Variants in ZNF730 observed in about 807,000 individuals in gnomAD.
ZNF730 encodes putative zinc finger protein 730.
In ZNF730, 12 loss-of-function variants were observed where a neutral mutation model predicts 12.6. The ratio of observed to expected loss-of-function variants is 0.95; its 90% CI spans 0.61 to 1.54. ZNF730 has a LOEUF of 1.54. ZNF730 is among the 40% of genes most tolerant of loss of function. The probability of loss-of-function intolerance (pLI) is 0.00; values close to 1 mark genes in which losing one functional copy is unlikely to be tolerated. For synonymous variants in ZNF730, 194 were observed against 195.8 expected (o/e 0.99, Z 0.08); for missense variants, 643 against 583.5 (o/e 1.10, Z -1.05).
chr19:23,133,594 G>C (rs1285512931), intron 1 of ZNF730, among the ~76,000 whole-genome samples: 1 of 152,184 alleles, frequency 6.6e-6, no homozygotes, highest in African/African-American at 2.4e-5. Flanking sequence ...CGCCTGCCTC[G>C]GCCTCCCAAA....
At chr19:23,102,134 C>G (rs1213583553) in intron 1 of ZNF730, among the ~76,000 whole-genome samples, 2 of 152,174 alleles carry the variant, frequency 1.3e-5, no homozygotes, top group Non-Finnish European at 2.9e-5. Flanking sequence ...TTTGCCTGCA[C>G]TCTGTCCACA....
At chr19:23,143,280 G>T (rs1162887314) in intron 3 of ZNF730, among the ~76,000 whole-genome samples, 2 of 151,794 alleles carry the variant, frequency 1.3e-5, no homozygotes, top group Admixed American at 1.3e-4. Flanking sequence ...TTTTTGGTTT[G>T]GTAAAAAATT....
intron 1 of ZNF730, among the ~76,000 whole-genome samples, chr19:23,120,790 T>C (rs890980728): frequency 1.3e-5 from 2 of 152,140 alleles, no homozygotes; most frequent in African/African-American, 4.8e-5. Context: ...GATGTTAGGT[T>C]GTTATATTGA....
chr19:23,132,655 G>A (rs1347489604), intron 1 of ZNF730, among the ~76,000 whole-genome samples: 3 of 152,072 alleles, frequency 2.0e-5, no homozygotes, highest in South Asian at 2.1e-4. Flanking sequence ...TTGGGGAAAC[G>A]CCAGGGTTCT....
chr19:23,109,599 A>T (rs753891591), intron 1 of ZNF730, among the ~76,000 whole-genome samples: 4 of 151,792 alleles, frequency 2.6e-5, no homozygotes, highest in Non-Finnish European at 5.9e-5. Flanking sequence ...ATGGGGTTTC[A>T]CCAGGTTGGT....
Position 23,099,021 on chromosome 19 carries a change from A to C in ZNF730, c.-94+23634A>C, listed in dbSNP as rs1438609594. Among the ~76,000 whole-genome samples the C allele has an allele frequency of 3.9e-5, 6 of 152,010 alleles. No individual in the cohort carries two copies. In the East Asian group the frequency reaches 1.2e-3, roughly 29 times the overall value. On this transcript the variant is annotated intron_variant, in intron 1 of 2. Transcript: ENST00000593635. ...TGGTACAGAGAGTGTCGTCATAGGA[A>C]AAAGCAAACAGATTAGATCATGTTT...
intron 1 of ZNF730, among the ~76,000 whole-genome samples, chr19:23,121,789 C>T (rs934277861): frequency 6.6e-6 from 1 of 152,106 alleles, no homozygotes; most frequent in South Asian, 2.1e-4. Context: ...GTTCAGATGT[C>T]CAGTGTTCAA....
At chr19:23,144,495 T>A (rs773436935) in intron 3 of ZNF730, among the ~76,000 whole-genome samples, 1 of 151,938 alleles carries the variant, frequency 6.6e-6, no homozygotes, top group Admixed American at 6.6e-5. Flanking sequence ...GGTCAAGAGA[T>A]CGAGACCATC....
chr19:23,131,645 CTG>C (rs1341972467), intron 1 of ZNF730, among the ~76,000 whole-genome samples: 1 of 152,200 alleles, frequency 6.6e-6, no homozygotes, highest in Non-Finnish European at 1.5e-5. Flanking sequence ...GTAATGAACT[CTG>C]TGCTGTGCCT....
At chr19:23,144,861 A>T (rs1196781219) in intron 3 of ZNF730, among the ~76,000 whole-genome samples, 1 of 152,140 alleles carries the variant, frequency 6.6e-6, no homozygotes, top group Non-Finnish European at 1.5e-5. Context: ...GTCATAAGAG[A>T]TAGAAACCAG....
chr19:23,119,019 C>G (rs1266295342), intron 1 of ZNF730, among the ~76,000 whole-genome samples: 1 of 152,100 alleles, frequency 6.6e-6, no homozygotes, highest in Non-Finnish European at 1.5e-5. Context: ...TCCTCTCTTC[C>G]TGTTTGGATG....
chr19:23,094,388 ATCTG>A (rs35490621), intron 1 of ZNF730, among the ~76,000 whole-genome samples: 23,170 of 142,282 alleles, frequency 0.16, 2,061 homozygotes, highest in African/African-American at 0.28. Flanking sequence ...CTATCTATCT[ATCTG>A]TCTATCTGTC....
chr19:23,079,215 C>T (rs1263303362), intron 1 of ZNF730, among the ~76,000 whole-genome samples: 5 of 151,820 alleles, frequency 3.3e-5, no homozygotes, highest in Admixed American at 2.0e-4. Context: ...TAGAGCGCAG[C>T]GGTGCGACCT....
intron 1 of ZNF730, among the ~76,000 whole-genome samples, chr19:23,079,554 T>C (rs933854014): frequency 7.2e-5 from 11 of 152,226 alleles, no homozygotes; most frequent in African/African-American, 2.4e-4. Context: ...AGAAGAACAC[T>C]TGTTATTTGA....
chr19:23,125,145 G>A (rs1970646794), intron 1 of ZNF730, among the ~76,000 whole-genome samples: 1 of 152,082 alleles, frequency 6.6e-6, no homozygotes, highest in South Asian at 2.1e-4. Flanking sequence ...TGATTGCGAG[G>A]CCTCCCCAGC....
intron 1 of ZNF730, among the ~76,000 whole-genome samples, chr19:23,120,872 G>A (rs891823879): frequency 6.6e-6 from 1 of 152,142 alleles, no homozygotes; most frequent in Non-Finnish European, 1.5e-5. Flanking sequence ...TCTTAGCCAT[G>A]TTGCAGAGAT....
upstream of ZNF730, among the ~76,000 whole-genome samples, chr19:23,114,300 CTTTTCTTTTTTTTTT>C (rs576109977): frequency 0.062 from 7,439 of 119,568 alleles, 426 homozygotes; most frequent in Middle Eastern, 0.12. Flanking sequence ...TTTTCTTTTT[CTTTTCTTTTTTTTTT>C]TTTTTTTTTG....
At chr19:23,122,826 A>T (rs1013029851) in intron 1 of ZNF730, among the ~76,000 whole-genome samples, 2 of 152,218 alleles carry the variant, frequency 1.3e-5, no homozygotes, top group African/African-American at 4.8e-5. Context: ...ATACTCTTGA[A>T]ATATAAAGTG....
upstream of ZNF730, among the ~76,000 whole-genome samples, chr19:23,115,158 CT>C (rs1970503890): frequency 1.3e-5 from 2 of 150,494 alleles, no homozygotes; most frequent in African/African-American, 4.9e-5. Context: ...AAACTGTCTT[CT>C]TTTGCAGAAG....
Sources: gnomAD v4.1 joint callset for allele counts (sites outside exome capture counted in the v4.1 genomes callset) on GRCh38, gnomAD v4.1.1 for gene constraint, MANE v1.5 for transcripts, NCBI Gene and HGNC (gene_info 2026-07-23, HGNC 2026-07-21) for gene names.